NOVA1: variants seen among roughly 807,000 people sequenced by gnomAD.
NOVA1 encodes NOVA alternative splicing regulator 1.
Under a neutral mutation model 38.0 loss-of-function variants are expected in NOVA1, and 7 were observed. The ratio of observed to expected loss-of-function variants is 0.18; its 90% CI spans 0.10 to 0.35. The LOEUF is 0.35. Among genes scored for constraint, NOVA1 ranks in the 10% least tolerant of loss-of-function variants. The pLI, the probability that NOVA1 is intolerant of heterozygous loss-of-function variation, is 1.00. For synonymous variants in NOVA1, 270 were observed against 232.5 expected, an observed-to-expected ratio of 1.16 and a Z score of -1.47; for missense variants, 460 against 616.0, an observed-to-expected ratio of 0.75 and a Z score of 2.68.
rs932126851 is a variant in NOVA1, at chr14:26,445,804, T to C, written c.*2155A>G. ...GACAGCATGGTGAAAGAAATTTACATAGATATTATTTACTGTTAATGTATT... is the reference window on the plus strand; with the variant it reads ...GACAGCATGGTGAAAGAAATTTACACAGATATTATTTACTGTTAATGTATT... On this transcript the variant is annotated 3_prime_UTR_variant, in exon 5 of 5. Transcript: ENST00000539517. 1 of 152,578 alleles carries C rather than the reference T, an allele frequency of 6.6e-6. No homozygotes were observed. Among genetic ancestry groups the C allele is most frequent in the Non-Finnish European group, 1.5e-5 (1 of 68,032 alleles). The allele number at this position is 152,578 out of a possible 1,614,324, so 9.5% of individuals were successfully genotyped here.
intron 3 of NOVA1, among the ~76,000 whole-genome samples, chr14:26,472,936 A>C (rs896753099): frequency 6.6e-6 from 1 of 152,016 alleles, no homozygotes; most frequent in Non-Finnish European, 1.5e-5. Flanking sequence ...TGAAGTTCTG[A>C]GTTCTTAATA....
At chr14:26,449,054 A>G (rs1661333632) in intron 4 of NOVA1, 91 bp from the exon 5 acceptor site, 5 of 1,189,612 alleles carry the variant, frequency 4.2e-6, no homozygotes, top group Non-Finnish European at 5.7e-6. Context: ...AAAATAATAA[A>G]CTGAAAATTA....
intron 2 of NOVA1, among the ~76,000 whole-genome samples, chr14:26,496,363 G>C (rs1255450668): frequency 6.6e-6 from 1 of 151,940 alleles, no homozygotes; most frequent in Non-Finnish European, 1.5e-5. Flanking sequence ...TTGTAAATTT[G>C]TTTCAGTTCA....
At chr14:26,516,067 C>A (rs550950417) in intron 2 of NOVA1, among the ~76,000 whole-genome samples, 1 of 152,148 alleles carries the variant, frequency 6.6e-6, no homozygotes, top group Non-Finnish European at 1.5e-5. Context: ...TATTGTCAGT[C>A]TTTTTCACTT....
intron 2 of NOVA1, among the ~76,000 whole-genome samples, chr14:26,578,323 C>A (rs1396472821): frequency 6.7e-6 from 1 of 148,492 alleles, no homozygotes; most frequent in Non-Finnish European, 1.5e-5. Flanking sequence ...GCCATAATTA[C>A]CAGAACAGGA....
intron 2 of NOVA1, among the ~76,000 whole-genome samples, chr14:26,561,582 GAGA>G (rs1478805342): frequency 6.6e-6 from 1 of 152,122 alleles, no homozygotes; most frequent in African/African-American, 2.4e-5. Flanking sequence ...ACTAAGGAAA[GAGA>G]AGAATAGAAA....
intron 3 of NOVA1, among the ~76,000 whole-genome samples, chr14:26,476,188 G>A (rs1332210444): frequency 6.6e-6 from 1 of 151,992 alleles, no homozygotes; most frequent in Non-Finnish European, 1.5e-5. Flanking sequence ...TTTCCAACAT[G>A]TGAACTGTCT....
chr14:26,490,455 C>CA (rs1276805957), intron 2 of NOVA1, among the ~76,000 whole-genome samples: 1 of 151,868 alleles, frequency 6.6e-6, no homozygotes, highest in African/African-American at 2.4e-5. Flanking sequence ...TTTACATCCC[C>CA]AACAACAGTG....
chr14:26,456,243 T>C (rs969042162), intron 4 of NOVA1, among the ~76,000 whole-genome samples: 7 of 151,924 alleles, frequency 4.6e-5, no homozygotes, highest in Non-Finnish European at 7.4e-5. Context: ...GCTGTGTTCA[T>C]TGAAGTAGAT....
intron 4 of NOVA1, among the ~76,000 whole-genome samples, chr14:26,458,096 C>T (rs1026611501): frequency 6.6e-6 from 1 of 151,980 alleles, no homozygotes; most frequent in Non-Finnish European, 1.5e-5. Flanking sequence ...CATCACTAAT[C>T]GTTAGAGAAA....
intron 2 of NOVA1, among the ~76,000 whole-genome samples, chr14:26,557,178 T>C (rs1035453159): frequency 2.0e-5 from 3 of 152,198 alleles, no homozygotes; most frequent in South Asian, 2.1e-4. Context: ...TCTGAGGTAC[T>C]GGGGTTTAAG....
chr14:26,586,838 T>C (rs60064898), intron 2 of NOVA1, among the ~76,000 whole-genome samples: 26,844 of 150,584 alleles, frequency 0.18, 2,592 homozygotes, highest in East Asian at 0.33. Flanking sequence ...CCTGCCTATG[T>C]TCCTTCAGTG....
At chr14:26,582,565 C>G (rs760248552) in intron 2 of NOVA1, among the ~76,000 whole-genome samples, 7 of 151,674 alleles carry the variant, frequency 4.6e-5, no homozygotes, top group Admixed American at 1.3e-4. Flanking sequence ...CAATTATGTA[C>G]TTTACTAAAC....
chr14:26,478,710 A>G lies in NOVA1; in HGVS notation c.447+1267T>C, dbSNP rs576747333. 6.6e-4 allele frequency among the ~76,000 whole-genome samples: 101 copies of G among 152,080 alleles called. 1 individual carries two copies. Among genetic ancestry groups the G allele is most frequent in the African/African-American group, 2.0e-3 (84 of 41,578 alleles). ...TATCCACTGATTTTACAGCTTTAAA[A>G]TATTTATATTCTCCCATGTATACAT... On this transcript the variant is annotated intron_variant, in intron 3 of 4. Transcript: ENST00000539517.
At chr14:26,518,289 T>C (rs1011538870) in intron 2 of NOVA1, among the ~76,000 whole-genome samples, 10 of 152,048 alleles carry the variant, frequency 6.6e-5, no homozygotes, top group African/African-American at 2.2e-4. Flanking sequence ...TAGTTTTCTA[T>C]GTTATCTAAG....
chr14:26,559,916 C>T (rs1297791534), intron 2 of NOVA1, among the ~76,000 whole-genome samples: 1 of 151,708 alleles, frequency 6.6e-6, no homozygotes, highest in African/African-American at 2.4e-5. Context: ...GGTGAATATC[C>T]TAATTACACT....
In NOVA1 at chr14:26,548,278, T is replaced by C. The variant is rs368369504; in HGVS notation, c.280+47132A>G. Among the ~76,000 whole-genome samples, 8 of 152,098 alleles carry C rather than the reference T, an allele frequency of 5.3e-5. No homozygotes were observed. In the South Asian group the frequency reaches 1.7e-3, roughly 32 times the overall value. The stretch of plus-strand genomic sequence containing the variant: ...AATTAAAAGGAAAACACTTAAAATG[T>C]CCCTAGAAAATCATTTCTTCTACCT... On this transcript the variant is annotated intron_variant, in intron 2 of 4. Coordinates refer to ENST00000539517, the MANE Select transcript of NOVA1 (RefSeq NM_002515.3).
At chr14:26,495,307 G>A (rs1011692692) in intron 2 of NOVA1, among the ~76,000 whole-genome samples, 1 of 152,060 alleles carries the variant, frequency 6.6e-6, no homozygotes, top group Non-Finnish European at 1.5e-5. Context: ...ATTCTTGTTT[G>A]TTGTAATTTG....
intron 4 of NOVA1, among the ~76,000 whole-genome samples, chr14:26,452,978 C>G (rs1375432766): frequency 1.3e-5 from 2 of 152,078 alleles, no homozygotes; most frequent in African/African-American, 2.4e-5. Flanking sequence ...AAAGGAGACA[C>G]AAAGTTTAAC....
Sources: gnomAD v4.1 joint callset for allele counts (sites outside exome capture counted in the v4.1 genomes callset) on GRCh38, gnomAD v4.1.1 for gene constraint, MANE v1.5 for transcripts, NCBI Gene and HGNC (gene_info 2026-07-23, HGNC 2026-07-21) for gene names.